The following GREB1L variants were observed in gnomAD, a reference collection of about 807,000 sequenced individuals.
GREB1L encodes the protein GREB1-like protein.
In GREB1L, 17 loss-of-function variants were observed where a neutral mutation model predicts 200.8. That is an observed-to-expected ratio of 0.08 (90% CI 0.06 to 0.13). The LOEUF (loss-of-function observed/expected upper bound fraction) is 0.13. GREB1L is among the 10% of genes least tolerant of loss of function. The pLI, the probability that GREB1L is intolerant of heterozygous loss-of-function variation, is 1.00. For missense variants in GREB1L, 1,657 were observed against 2,367.7 expected, an observed-to-expected ratio of 0.70 and a Z score of 6.23; for synonymous variants, 789 against 893.0, an observed-to-expected ratio of 0.88 and a Z score of 2.08.
chr18:21,329,969 T>TTGGGG (rs1555628418), intron 1 of GREB1L, among the ~76,000 whole-genome samples: 2 of 129,312 alleles, frequency 1.5e-5, no homozygotes, highest in African/African-American at 5.9e-5. Context: ...GTTTTTTTTT[T>TTGGGG]GGGGGGGGGG....
chr18:21,422,339 T>C (rs1007415516), intron 7 of GREB1L, among the ~76,000 whole-genome samples: 3 of 152,216 alleles, frequency 2.0e-5, no homozygotes, highest in African/African-American at 7.2e-5. Context: ...AAAATACCTA[T>C]GTGCGTGTGT....
At chr18:21,421,180 G>T (rs1012218096) in intron 7 of GREB1L, among the ~76,000 whole-genome samples, 2 of 152,042 alleles carry the variant, frequency 1.3e-5, no homozygotes, top group African/African-American at 4.8e-5. Context: ...TGATAAATAT[G>T]TTCATTATTT....
At chr18:21,324,865 T>C (rs2038999664) in intron 1 of GREB1L, among the ~76,000 whole-genome samples, 1 of 152,238 alleles carries the variant, frequency 6.6e-6, no homozygotes, top group Non-Finnish European at 1.5e-5. Context: ...ACTTTTCTGC[T>C]GTAGAAGGAA....
At chr18:21,397,046 TTATA>T (rs1404709620) in intron 5 of GREB1L, among the ~76,000 whole-genome samples, 1 of 152,150 alleles carries the variant, frequency 6.6e-6, no homozygotes, top group Non-Finnish European at 1.5e-5. Flanking sequence ...TTCTTCCTAG[TTATA>T]TAGTGTCATC....
chr18:21,519,249 GC>G (rs1459195640), intron 31 of GREB1L, among the ~76,000 whole-genome samples: 1 of 152,010 alleles, frequency 6.6e-6, no homozygotes, highest in Non-Finnish European at 1.5e-5. Flanking sequence ...ATCACTTGAG[GC>G]CAGGAGTTCG....
At chr18:21,265,585 A>G (rs532882242) in intron 1 of GREB1L, among the ~76,000 whole-genome samples, 4 of 152,208 alleles carry the variant, frequency 2.6e-5, no homozygotes, top group African/African-American at 9.6e-5. Context: ...TTTGGGGCAC[A>G]TATCAAACCT....
At chr18:21,478,315 A>G (rs923155253) in intron 17 of GREB1L, among the ~76,000 whole-genome samples, 8 of 152,210 alleles carry the variant, frequency 5.3e-5, no homozygotes, top group Non-Finnish European at 7.3e-5. Context: ...AATATTTTCT[A>G]TGACCTGAAA....
chr18:21,258,216 C>A (rs896245386), intron 1 of GREB1L, among the ~76,000 whole-genome samples: 1 of 152,294 alleles, frequency 6.6e-6, no homozygotes, highest in Middle Eastern at 3.4e-3. Context: ...TTAGCCTTTG[C>A]ACATACCACT....
chr18:21,500,407 C>CAGA, intron 22 of GREB1L, 101 bp downstream of exon 22: 1 of 830,932 alleles, frequency 1.2e-6, no homozygotes, highest in Non-Finnish European at 2.0e-6. Context: ...GCAGGTGTGA[C>CAGA]AGAGCAGTGA....
intron 1 of GREB1L, among the ~76,000 whole-genome samples, chr18:21,276,024 G>A (rs376715286): frequency 3.3e-5 from 5 of 152,142 alleles, no homozygotes; most frequent in Non-Finnish European, 5.9e-5. Flanking sequence ...TGGTGGTTCC[G>A]TTTAGCTTCA....
intron 1 of GREB1L, among the ~76,000 whole-genome samples, chr18:21,361,710 G>T (rs189767829): frequency 5.5e-4 from 83 of 151,524 alleles, no homozygotes; most frequent in African/African-American, 2.0e-3. Context: ...CTGTGATCTG[G>T]AAGGGGCCCT....
intron 7 of GREB1L, among the ~76,000 whole-genome samples, chr18:21,406,233 G>A (rs1341063828): frequency 6.6e-6 from 1 of 152,122 alleles, no homozygotes; most frequent in Admixed American, 6.5e-5. Flanking sequence ...TGCTTTGAAA[G>A]AGGAAATCAA....
chr18:21,274,293 C>A (rs2038126162), intron 1 of GREB1L, among the ~76,000 whole-genome samples: 1 of 152,130 alleles, frequency 6.6e-6, no homozygotes, highest in Non-Finnish European at 1.5e-5. Context: ...AAACTTAACT[C>A]CTAAAACCAT....
chr18:21,455,601 T>A (rs1211465536), intron 15 of GREB1L, among the ~76,000 whole-genome samples: 1 of 151,618 alleles, frequency 6.6e-6, no homozygotes, highest in African/African-American at 2.4e-5. Flanking sequence ...GAGAATCACT[T>A]GAACCCGGAA....
intron 7 of GREB1L, among the ~76,000 whole-genome samples, chr18:21,432,177 C>T (rs1467361937): frequency 6.6e-6 from 1 of 152,060 alleles, no homozygotes. Flanking sequence ...CCCACCTCGG[C>T]CTCCCAAAGT....
chr18:21,460,010 G>A (rs2034971950), intron 15 of GREB1L, among the ~76,000 whole-genome samples: 1 of 152,092 alleles, frequency 6.6e-6, no homozygotes, highest in Non-Finnish European at 1.5e-5. Flanking sequence ...CCTGGACCCT[G>A]CCTAATCCTG....
intron 1 of GREB1L, among the ~76,000 whole-genome samples, chr18:21,356,854 A>G (rs982309520): frequency 1.3e-5 from 2 of 152,208 alleles, no homozygotes; most frequent in East Asian, 1.9e-4. Flanking sequence ...CATCTTTTTT[A>G]TAATAGCCAT....
Position 21,525,092 on chromosome 18 carries a change from C to T in GREB1L, c.*2271C>T, listed in dbSNP as rs762451544. 7.3e-5 allele frequency: 11 copies of T among 151,596 alleles called. No homozygotes were observed. The highest frequency in any genetic ancestry group is 1.3e-4 in the Non-Finnish European group (9 of 67,940). 9.4% of individuals were successfully genotyped at this position (151,596 alleles called of 1,614,324 possible). On this transcript the variant is annotated 3_prime_UTR_variant, in exon 33 of 33. Coordinates refer to ENST00000424526, the MANE Select transcript of GREB1L (RefSeq NM_001142966.3). ...CACTGATGTGGGATGAATGGATTCGCTAGGCCCACACAGTAACTCACCTGT... is the reference window on the plus strand; with the variant it reads ...CACTGATGTGGGATGAATGGATTCGTTAGGCCCACACAGTAACTCACCTGT...
At position 21,502,164 on chromosome 18, in the gene GREB1L, T is replaced by C. The variant is rs186864874; in HGVS notation, c.4072+1522T>C. Among the ~76,000 whole-genome samples the C allele has an allele frequency of 6.4e-4, 97 of 152,094 alleles. 1 individual carries two copies. Among genetic ancestry groups the C allele is most frequent in the South Asian group, 4.4e-3 (21 of 4,826 alleles). ...CTACTTGGGAGGCTGAGGCACAGAA[T>C]TGTTTGAACCCGGGAGGCGGAGTTT... On this transcript the variant is annotated intron_variant, in intron 23 of 32. Transcript: ENST00000424526.
Sources: allele counts gnomAD v4.1 joint callset (sites outside exome capture counted in the v4.1 genomes callset), GRCh38; gene constraint gnomAD v4.1.1; transcripts MANE v1.5; gene names NCBI Gene and HGNC (gene_info 2026-07-23, HGNC 2026-07-21).